DNAJB6: variants seen among roughly 807,000 people sequenced by gnomAD.
The protein encoded by DNAJB6 is dnaJ homolog subfamily B member 6.
DNAJB6 carries 16 observed loss-of-function variants against 42.7 expected under a neutral mutation model. That is an observed-to-expected ratio of 0.37 (90% CI 0.25 to 0.57). DNAJB6 has a LOEUF of 0.57. Among genes scored for constraint, DNAJB6 ranks in the 20% least tolerant of loss-of-function variants. DNAJB6 has a pLI of 0.74. For synonymous variants in DNAJB6, 170 were observed against 163.5 expected, an observed-to-expected ratio of 1.04 and a Z score of -0.30; for missense variants, 347 against 416.8, an observed-to-expected ratio of 0.83 and a Z score of 1.46.
rs114703872 is a variant in DNAJB6 at position 157,360,488 on chromosome 7, C to T, written c.65+1851C>T. Among the ~76,000 whole-genome samples the T allele has an allele frequency of 2.4e-3, 361 of 152,318 alleles. 4 individuals are homozygous for T. Among genetic ancestry groups the T allele is most frequent in the African/African-American group, 7.7e-3 (319 of 41,582 alleles). On this transcript the variant is annotated intron_variant, in intron 2 of 9. Coordinates refer to ENST00000262177, the MANE Select transcript of DNAJB6 (RefSeq NM_058246.4). ...GTGCTTTCAGTAATGATGGAAATTA[C>T]ATACCTTTATGATAGAGGTCATTAG...
At chr7:157,359,568 A>C (rs903093945) in intron 2 of DNAJB6, among the ~76,000 whole-genome samples, 2 of 152,046 alleles carry the variant, frequency 1.3e-5, no homozygotes, top group Admixed American at 1.3e-4. Flanking sequence ...TCACACCTCT[A>C]ATCCTAGCAC....
At chr7:157,415,765 G>A (rs1024837703) in intron 9 of DNAJB6, among the ~76,000 whole-genome samples, 25 of 152,302 alleles carry the variant, frequency 1.6e-4, no homozygotes, top group African/African-American at 5.8e-4. Context: ...TAGCTCTGCC[G>A]CTGGGCGGAA....
intron 8 of DNAJB6, among the ~76,000 whole-genome samples, chr7:157,394,742 TGAA>T (rs1801502573): frequency 6.6e-6 from 1 of 152,124 alleles, no homozygotes; most frequent in Admixed American, 6.5e-5. Flanking sequence ...TTCCCTCTTG[TGAA>T]GAAGCAACAC....
At chr7:157,362,114 C>G (rs969021483) in intron 2 of DNAJB6, among the ~76,000 whole-genome samples, 1 of 152,100 alleles carries the variant, frequency 6.6e-6, no homozygotes, top group South Asian at 2.1e-4. Flanking sequence ...AGTTGGAACT[C>G]TGCAACAGAA....
rs1003356872 is a variant in DNAJB6 at position 157,416,125 on chromosome 7, C to T, written c.*27C>T. ...CCGGACTTGAGGCACGCGGTGCACCCCCAGACGCTGGCGCTCCACCGTGCT... is the reference window on the plus strand; with the variant it reads ...CCGGACTTGAGGCACGCGGTGCACCTCCAGACGCTGGCGCTCCACCGTGCT... On this transcript the variant is annotated 3_prime_UTR_variant, in exon 10 of 10. Transcript: ENST00000262177. 6.2e-7 allele frequency: 1 copy of T among 1,606,944 alleles called. No individual in the cohort carries two copies.
At chr7:157,375,819 A>C (rs946111394) in intron 5 of DNAJB6, among the ~76,000 whole-genome samples, 2 of 152,218 alleles carry the variant, frequency 1.3e-5, no homozygotes, top group Non-Finnish European at 2.9e-5. Flanking sequence ...TTTGAATCTC[A>C]AGCGTTTCTC....
intron 8 of DNAJB6, among the ~76,000 whole-genome samples, chr7:157,400,981 G>A (rs1801832596): frequency 6.6e-6 from 1 of 152,186 alleles, no homozygotes; most frequent in South Asian, 2.1e-4. Flanking sequence ...CTTAAAAGGG[G>A]AGGTGAGGTA....
intron 1 of DNAJB6, among the ~76,000 whole-genome samples, chr7:157,340,998 G>GCGCACT (rs1554450094): frequency 1.5e-5 from 2 of 134,960 alleles, no homozygotes; most frequent in Non-Finnish European, 3.1e-5. Context: ...GTGTGTGTGT[G>GCGCACT]CGCGCGCGCA....
intron 7 of DNAJB6, 91 bp from the exon 8 acceptor site, chr7:157,385,450 G>A (rs1801004070): frequency 7.5e-7 from 1 of 1,334,820 alleles, no homozygotes; most frequent in African/African-American, 1.5e-5. Context: ...TATTCATGGT[G>A]TATTTCAGTA....
In DNAJB6 at chr7:157,338,353, G is replaced by C. The variant is rs572346236; in HGVS notation, c.-27+1209G>C. Among the ~76,000 whole-genome samples the C allele has an allele frequency of 3.6e-3, 540 of 148,758 alleles. 3 individuals carry two copies. Among genetic ancestry groups the C allele is most frequent in the African/African-American group, 0.013 (514 of 40,366 alleles). ...CAGACTTCCTTTTTTTTTTTTTCCT[G>C]AGACGGAGTCTGTTCTGTTGCCCAG... On this transcript the variant is annotated intron_variant, in intron 1 of 9. Transcript: ENST00000262177.
At chr7:157,355,521 A>G (rs958795471) in intron 1 of DNAJB6, among the ~76,000 whole-genome samples, 5 of 152,280 alleles carry the variant, frequency 3.3e-5, no homozygotes, top group East Asian at 1.9e-4. Context: ...TGGAAGGCAG[A>G]TGGAGAGAGA....
chr7:157,379,502 C>T (rs1800642245), intron 5 of DNAJB6: 1 of 152,228 alleles, frequency 6.6e-6, no homozygotes, highest in Non-Finnish European at 1.5e-5. Context: ...GCCTTTCTCA[C>T]TGTCACACTC....
rs969744130 is a variant in DNAJB6 at position 157,406,691 on chromosome 7, C to T, written c.692-3104C>T. 1.5e-4 allele frequency among the ~76,000 whole-genome samples: 23 copies of T among 152,364 alleles called. 1 individual carries two copies. The highest frequency in any genetic ancestry group is 4.1e-4 in the South Asian group (2 of 4,832). On this transcript the variant is annotated intron_variant, in intron 8 of 9. Transcript: ENST00000262177. ...TCCAGGGCTTCTCTGAGCCCGCAGC[C>T]GGCCAGCTCAGCGGCCCGGGGTTGG... is the stretch of plus-strand genomic sequence containing the variant.
At chr7:157,363,789 T>C (rs966187064) in intron 3 of DNAJB6, among the ~76,000 whole-genome samples, 1 of 152,190 alleles carries the variant, frequency 6.6e-6, no homozygotes, top group African/African-American at 2.4e-5. Context: ...AGAGGTGTTC[T>C]ATGTTACTGG....
At chr7:157,346,847 C>G (rs1408015384) in intron 1 of DNAJB6, among the ~76,000 whole-genome samples, 2 of 152,088 alleles carry the variant, frequency 1.3e-5, no homozygotes, top group Admixed American at 6.6e-5. Flanking sequence ...AGACCTTCAG[C>G]TATTTTCTTT....
chr7:157,358,405 G>C (rs769437870), intron 1 of DNAJB6, 142 bp from the exon 2 acceptor site: 23 of 605,298 alleles, frequency 3.8e-5, no homozygotes, highest in Non-Finnish European at 6.2e-5. Flanking sequence ...CAGGCTAGTG[G>C]TTAGCTCTAG....
intron 8 of DNAJB6, among the ~76,000 whole-genome samples, chr7:157,405,857 G>A (rs1312544684): frequency 6.6e-6 from 1 of 152,242 alleles, no homozygotes; most frequent in Non-Finnish European, 1.5e-5. Context: ...TGCTGTGACT[G>A]TTCTCCAGCC....
chr7:157,408,818 G>A (rs891409097), intron 8 of DNAJB6, among the ~76,000 whole-genome samples: 4 of 152,244 alleles, frequency 2.6e-5, no homozygotes, highest in Non-Finnish European at 5.9e-5. Context: ...GCGGGGAAGC[G>A]AGGAGGATGG....
intron 5 of DNAJB6, among the ~76,000 whole-genome samples, chr7:157,375,682 G>A (rs764291156): frequency 1.3e-5 from 2 of 152,186 alleles, no homozygotes; most frequent in South Asian, 2.1e-4. Flanking sequence ...CTCCCATTGC[G>A]TGTTGTATTC....
Sources: gnomAD v4.1 joint callset for allele counts (sites outside exome capture counted in the v4.1 genomes callset) on GRCh38, gnomAD v4.1.1 for gene constraint, MANE v1.5 for transcripts, NCBI Gene and HGNC (gene_info 2026-07-23, HGNC 2026-07-21) for gene names.